Variants in ABCA2 observed in about 807,000 individuals in gnomAD.
ABCA2 encodes the protein ATP binding cassette subfamily A member 2.
In ABCA2, 84 loss-of-function variants were observed where a neutral mutation model predicts 262.8. That is an observed-to-expected ratio of 0.32 (90% CI 0.27 to 0.38). The LOEUF is 0.38. ABCA2 is among the 10% of genes least tolerant of loss of function. The probability of loss-of-function intolerance (pLI) is 1.00; values close to 1 mark genes in which losing one functional copy is unlikely to be tolerated. For synonymous variants in ABCA2, 1,696 were observed against 1,502.9 expected, an observed-to-expected ratio of 1.13 and a Z score of -2.97; for missense variants, 2,662 against 3,405.9, an observed-to-expected ratio of 0.78 and a Z score of 5.44.
Position 137,016,932 on chromosome 9 carries a change from C to T in ABCA2, c.2746G>A (p.Ala916Thr). Reference sequence around the variant, plus strand: ...GGCTGGCCAGTACCTGGGTGCACAGCCTCAATGTACCACGTGAGGATGCCA... The same window carrying T: ...GGCTGGCCAGTACCTGGGTGCACAGTCTCAATGTACCACGTGAGGATGCCA... Reference protein sequence around the residue: ...VYGILTWYIEAVHPGMYGLPR... With the variant: ...VYGILTWYIETVHPGMYGLPR... Residue 916 changes from alanine (A) to threonine (T), a missense_variant, in exon 19 of 49, where the codon GCT becomes ACT. Coordinates refer to ENST00000341511, the MANE Select transcript of ABCA2 (RefSeq NM_001606.5). 1 of 1,612,592 alleles carries T rather than the reference C, an allele frequency of 6.2e-7. No individual in the cohort carries two copies.
rs1257883562 is a variant in ABCA2, at chr9:137,021,920, G to C, written c.649C>G (p.Leu217Val). 4 of 1,603,552 alleles carry C rather than the reference G, an allele frequency of 2.5e-6. No homozygotes were observed. Among genetic ancestry groups the C allele is most frequent in the Non-Finnish European group, 3.4e-6 (4 of 1,176,118 alleles). The change falls in exon 7 of 49, where the codon CTA (leucine) becomes GTA (valine). Residue 217 changes from leucine (L) to valine (V), a missense_variant. Transcript: ENST00000341511. This position sits in a 1 kb window ranked among gnomAD's most constrained non-coding sequence, Gnocchi z 6.0. The stretch of plus-strand genomic sequence containing the variant: ...ATCCGGAACAGGGGATTGCCCCCTA[G>C]GCGGCTCCAGGGCTCCTGACCCTTG... Reference protein sequence around the residue: ...LHKGQEPWSRLGGNPLFRMEE... With the variant: ...LHKGQEPWSRVGGNPLFRMEE...
rs201303430 is a variant in ABCA2, at chr9:137,013,869, G to A, written c.4410C>T (p.Cys1470=). Residue 1470 remains cysteine, a synonymous_variant, in exon 28 of 49, where the codon TGC becomes TGT. Coordinates refer to ENST00000341511, the MANE Select transcript of ABCA2 (RefSeq NM_001606.5). ...CGGACAGGGCCACGGTCATGGCCACGCAGACGAAGAAGGCTGGCAGCAAGA... is the reference window on the plus strand; with the variant it reads ...CGGACAGGGCCACGGTCATGGCCACACAGACGAAGAAGGCTGGCAGCAAGA... ...SQILLPAFFV[C]VAMTVALSVP... is the part of the protein sequence containing the mutation. 2.0e-5 allele frequency: 33 copies of A among 1,611,522 alleles called. No homozygotes were observed. Among genetic ancestry groups the A allele is most frequent in the African/African-American group, 2.0e-4 (15 of 75,016 alleles).
chr9:137,011,939 G>A lies in ABCA2; in HGVS notation c.5440C>T (p.Leu1814Phe), dbSNP rs775014281. ...GCCTTGGTGGACTTCTCGGCCACGA[G>A]GAAGACAACGAAGCTGGCCGGCACG... is the stretch of plus-strand genomic sequence containing the variant. ...SFVPASFVVF[L>F]VAEKSTKAKH... The change falls in exon 35 of 49, where the codon CTC (leucine) becomes TTC (phenylalanine). Residue 1814 changes from leucine to phenylalanine, a missense_variant. Leu to Phe is a conservative substitution (Grantham distance 22). Around this residue, in one of 12 missense-constraint regions of ABCA2, gnomAD observed 602 missense variants for 897.4 expected, o/e 0.67. Transcript: ENST00000341511. This position sits in a 1 kb window ranked among gnomAD's most constrained non-coding sequence, Gnocchi z 8.8. The A allele has an allele frequency of 1.2e-6, 2 of 1,612,704 alleles. No homozygotes were observed. Among genetic ancestry groups the A allele is most frequent in the South Asian group, 1.1e-5 (1 of 91,086 alleles).
chr9:137,009,712 C>A, intron 43 of ABCA2, 57 bp downstream of exon 43: 1 of 1,610,156 alleles, frequency 6.2e-7, no homozygotes, highest in East Asian at 2.2e-5. Flanking sequence ...TGCCCCTGCC[C>A]GTGCTCACCA....
At chr9:137,028,506 A>G (rs1239906846), upstream of ABCA2, among the ~76,000 whole-genome samples, 1 of 151,596 alleles carries the variant, frequency 6.6e-6, no homozygotes, top group Admixed American at 6.6e-5. The surrounding 1 kb of genome is among the most constrained non-coding windows in gnomAD (Gnocchi z 6.9). Context: ...ACCCCGGCTT[A>G]GCCTTCGTAG....
rs929198821 is a variant in ABCA2 at position 137,028,011 on chromosome 9, AGCGCGCCTCTGGCCGCGGTGC to A, written c.66+43_66+63del. 4.6e-5 allele frequency: 40 copies of A among 878,002 alleles called. No homozygotes were observed. Among genetic ancestry groups the A allele is most frequent in the Admixed American group, 6.4e-5 (1 of 15,590 alleles). 54.4% of individuals were successfully genotyped at this position (878,002 alleles called of 1,614,324 possible). A position where few individuals can be genotyped will look rare whatever the true frequency, so the allele number is the denominator to read the frequency against. ...CGGCCGTCCGCACGTGCGCGCGGGG[AGCGCGCCTCTGGCCGCGGTGC>A]GCGCGGCCTCGGGCTGAGGGCGGGC... is the stretch of plus-strand genomic sequence containing the variant. On this transcript the variant is annotated intron_variant, in intron 1 of 48. Transcript: ENST00000341511. This position sits in a 1 kb window ranked among gnomAD's most constrained non-coding sequence, Gnocchi z 6.9.
chr9:137,011,994 G>C lies in ABCA2; in HGVS notation c.5385C>G (p.Ile1795Met), dbSNP rs373681636. Residue 1795 changes from isoleucine (I) to methionine (M), a missense_variant, in exon 35 of 49, where the codon ATC becomes ATG. Ile to Met is a conservative substitution (Grantham distance 10). This residue lies in a region of ABCA2 where 602 missense variants were observed against 897.4 expected (regional missense o/e 0.67). Transcript: ENST00000341511. This position sits in a 1 kb window ranked among gnomAD's most constrained non-coding sequence, Gnocchi z 8.8. ...DYLLQGTDVV[I>M]AIFIIVAMSF... ...ACATGGCCACGATGATGAAGATGGCGATGACGACATCCGTGCCCTGCAGCC... is the reference window on the plus strand; with the variant it reads ...ACATGGCCACGATGATGAAGATGGCCATGACGACATCCGTGCCCTGCAGCC... 8.1e-6 allele frequency: 13 copies of C among 1,612,544 alleles called. 1 individual carries two copies. In the South Asian group the frequency reaches 1.4e-4, roughly 18 times the overall value.
At chr9:137,013,748 A>G in intron 28 of ABCA2, 84 bp downstream of exon 28, 4 of 1,468,342 alleles carry the variant, frequency 2.7e-6, no homozygotes, top group Non-Finnish European at 3.7e-6. Context: ...CAGAGTCAGG[A>G]AGCTCAGGAG....
At chr9:137,025,720 G>A (rs1319999924) in intron 1 of ABCA2, among the ~76,000 whole-genome samples, 2 of 152,184 alleles carry the variant, frequency 1.3e-5, no homozygotes, top group Non-Finnish European at 2.9e-5. Context: ...GTCACAGCAC[G>A]GGGCGCCAGC....
chr9:137,019,450 A>G lies in ABCA2; in HGVS notation c.1426-144T>C. 1 of 964,318 alleles carries G rather than the reference A, an allele frequency of 1.0e-6. No homozygotes were observed. The highest frequency in any genetic ancestry group is 1.7e-5 in the South Asian group (1 of 57,608). The allele number at this position is 964,318 out of a possible 1,614,324, so 59.7% of individuals were successfully genotyped here. On this transcript the variant is annotated intron_variant, in intron 10 of 48. Coordinates refer to ENST00000341511, the MANE Select transcript of ABCA2 (RefSeq NM_001606.5). The surrounding 1 kb of genome is among the most constrained non-coding windows in gnomAD (Gnocchi z 4.4). ...TTTTTTTTTTTTTTTTTCCTGAGAC[A>G]GGGTCTCAGTCACCCACGCTGGAGT...
At chr9:137,015,934 T>TCC in intron 22 of ABCA2, 28 bp downstream of exon 22, 1 of 654,352 alleles carries the variant, frequency 1.5e-6, no homozygotes, top group Admixed American at 3.8e-5. Context: ...TCCGCCCACC[T>TCC]GCCCCGCCCC....
chr9:137,014,116 G>A lies in ABCA2; in HGVS notation c.4240+52C>T, dbSNP rs1005391238. ...CTGGCTGCCCTCATGCCGCTCCCCC[G>A]CAACCCTGCTCCCCCTCCCTTGCTG... On this transcript the variant is annotated intron_variant, in intron 27 of 48. Transcript: ENST00000341511. 53 of 1,589,050 alleles carry A rather than the reference G, an allele frequency of 3.3e-5. No individual in the cohort carries two copies. In the African/African-American group the frequency reaches 4.3e-4, roughly 13 times the overall value.
chr9:137,021,515 C>A lies in ABCA2; in HGVS notation c.774G>T (p.Lys258Asn). 1 of 1,605,460 alleles carries A rather than the reference C, an allele frequency of 6.2e-7. No homozygotes were observed. The highest frequency in any genetic ancestry group is 2.3e-5 in the East Asian group (1 of 44,344). The change falls in exon 8 of 49, where the codon AAG (lysine) becomes AAT (asparagine). Residue 258 changes from lysine to asparagine, a missense_variant. Physicochemically the swap from Lys to Asn is moderately conservative, Grantham distance 94 (BLOSUM62 0). Around this residue, in one of 12 missense-constraint regions of ABCA2, gnomAD observed 403 missense variants for 375.9 expected, o/e 1.07. Transcript: ENST00000341511. The surrounding 1 kb of genome is among the most constrained non-coding windows in gnomAD (Gnocchi z 6.0). ...GRILTVPESQ[K>N]GALQGYRDAV... Reference sequence around the variant, plus strand: ...CATCCCGGTAGCCCTGCAGGGCTCCCTTCTGACTCTCAGGCACAGTGAGGA... The same window carrying A: ...CATCCCGGTAGCCCTGCAGGGCTCCATTCTGACTCTCAGGCACAGTGAGGA...
In ABCA2 at chr9:137,008,459, A is replaced by C. The variant is rs1019764433; in HGVS notation, c.7232T>G (p.Leu2411Arg). The change falls in exon 48 of 49, where the codon CTG (leucine) becomes CGG (arginine). Residue 2411 changes from leucine (L) to arginine (R), a missense_variant. Transcript: ENST00000341511. The stretch of plus-strand genomic sequence containing the variant: ...GATGAGGCCCTCGTCCTCCGTGTCC[A>C]GGTCCTCGGGCTCGTCTGCCACAAG... ...RALVADEPED[L>R]DTEDEGLISF... The C allele has an allele frequency of 5.1e-6, 8 of 1,560,090 alleles. No individual in the cohort carries two copies. The Middle Eastern group carries it at 6.7e-4, about 130-fold the overall frequency.
At chr9:137,009,289 G>A in intron 45 of ABCA2, 81 bp downstream of exon 45, 1 of 1,136,436 alleles carries the variant, frequency 8.8e-7, no homozygotes, top group Non-Finnish European at 1.2e-6. Context: ...CAGCCCTGCA[G>A]CCACCCCCAC....
Position 137,017,298 on chromosome 9 carries a change from G to A in ABCA2, c.2451C>T (p.Cys817=), listed in dbSNP as rs200960735. The change falls in exon 18 of 49, where the codon TGC becomes TGT. Residue 817 remains cysteine, a synonymous_variant. Coordinates refer to ENST00000341511, the MANE Select transcript of ABCA2 (RefSeq NM_001606.5). ...LYSKAKLASA[C]GGIIYFLSYV... The stretch of plus-strand genomic sequence containing the variant: ...AGCTCAGGAAGTAGATGATGCCACC[G>A]CAGGCCGAGGCCAGCTTGGCCTTGG... 2.4e-5 allele frequency: 38 copies of A among 1,612,670 alleles called. No homozygotes were observed. In the Admixed American group the frequency reaches 3.8e-4, roughly 16 times the overall value.
rs906060358 is a variant in ABCA2, at chr9:137,023,530, C to T, written c.163+308G>A. 7 of 743,046 alleles carry T rather than the reference C, an allele frequency of 9.4e-6. No individual in the cohort carries two copies. The African/African-American group carries it at 1.2e-4, about 13-fold the overall frequency. The allele number at this position is 743,046 out of a possible 1,614,324, so 46.0% of individuals were successfully genotyped here. A position where few individuals can be genotyped will look rare whatever the true frequency, so the allele number is the denominator to read the frequency against. ...GCTCCAGCCCCAGCCCAGGCCAGCC[C>T]AGCCTCAGCCCAGACTCAGCCCAGA... On this transcript the variant is annotated intron_variant, in intron 3 of 48. Transcript: ENST00000341511.
In ABCA2 at chr9:137,016,715, A is replaced by G. The variant is rs746442565; in HGVS notation, c.2782T>C (p.Trp928Arg). 3.8e-6 allele frequency: 6 copies of G among 1,568,166 alleles called. No homozygotes were observed. In the South Asian group the frequency reaches 7.1e-5, roughly 18 times the overall value. The change falls in exon 20 of 49, where the codon TGG becomes CGG. Residue 928 changes from tryptophan (W) to arginine (R), a missense_variant. This residue lies in a region of ABCA2 where 133 missense variants were observed against 150.8 expected (regional missense o/e 0.88). Coordinates refer to ENST00000341511, the MANE Select transcript of ABCA2 (RefSeq NM_001606.5). ...HPGMYGLPRPWYFPLQKSYWL... is the reference protein window; with the variant it reads ...HPGMYGLPRPRYFPLQKSYWL... ...TAGGACTTCTGCAGTGGGAAGTACC[A>G]GGGCCGGGGCAGCCCGTACATGCCT... is the stretch of plus-strand genomic sequence containing the variant.
chr9:137,013,585 C>G, intron 28 of ABCA2, 22 bp from the exon 29 acceptor site: 1 of 1,593,056 alleles, frequency 6.3e-7, no homozygotes, highest in Non-Finnish European at 8.5e-7. Flanking sequence ...AGCAGGGAGG[C>G]CTGAGCAGGT....
Sources: gnomAD v4.1 joint callset for allele counts (sites outside exome capture counted in the v4.1 genomes callset) on GRCh38, gnomAD v4.1.1 for gene constraint, gnomAD v4.1.1 regional missense constraint, Gnocchi (gnomAD v3.1) non-coding constraint, MANE v1.5 for transcripts, NCBI Gene and HGNC (gene_info 2026-07-23, HGNC 2026-07-21) for gene names.